OPCML: variants seen among roughly 807,000 people sequenced by gnomAD.
OPCML encodes the protein opioid-binding protein/cell adhesion molecule.
A neutral mutation model predicts 37.8 loss-of-function variants in OPCML; 13 were observed. The observed-to-expected ratio is 0.34, with a 90% confidence interval of 0.22 to 0.55. The LOEUF (loss-of-function observed/expected upper bound fraction) is 0.55, where lower values mean the gene tolerates loss of function less well. OPCML is among the 20% of genes least tolerant of loss of function. OPCML has a pLI of 0.91. For missense variants in OPCML, 341 were observed against 435.6 expected (o/e 0.78, Z 1.93); for synonymous variants, 176 against 168.8 (o/e 1.04, Z -0.33).
intron 1 of OPCML, among the ~76,000 whole-genome samples, chr11:133,160,780 C>T (rs1230794985): frequency 6.6e-6 from 1 of 152,212 alleles, no homozygotes; most frequent in Non-Finnish European, 1.5e-5. Flanking sequence ...TGCTCCTGTC[C>T]TGGCAGGACA....
intron 1 of OPCML, among the ~76,000 whole-genome samples, chr11:132,989,056 G>A (rs781087485): frequency 7.2e-5 from 11 of 152,176 alleles, no homozygotes; most frequent in East Asian, 1.9e-4. Context: ...GAGAAGCTGC[G>A]AATGTTCAGG....
At chr11:132,986,490 A>G (rs1946683499) in intron 1 of OPCML, among the ~76,000 whole-genome samples, 4 of 152,200 alleles carry the variant, frequency 2.6e-5, no homozygotes, top group Non-Finnish European at 5.9e-5. Flanking sequence ...CAGATTTAGG[A>G]ATGTGCATGA....
At chr11:132,491,908 G>A (rs1397377208) in intron 4 of OPCML, among the ~76,000 whole-genome samples, 1 of 150,278 alleles carries the variant, frequency 6.7e-6, no homozygotes, top group Non-Finnish European at 1.5e-5. Flanking sequence ...TGTAGGTGGG[G>A]TTTGGGACAT....
At chr11:132,663,656 A>G (rs1467484923) in intron 2 of OPCML, among the ~76,000 whole-genome samples, 1 of 152,184 alleles carries the variant, frequency 6.6e-6, no homozygotes, top group East Asian at 1.9e-4. Flanking sequence ...CAAAAGCTGA[A>G]TGATATGGGC....
chr11:133,452,071 T>C (rs557125545), intron 1 of OPCML, among the ~76,000 whole-genome samples: 1 of 151,646 alleles, frequency 6.6e-6, no homozygotes, highest in Admixed American at 6.6e-5. Context: ...CAAAGTTTTG[T>C]ACCAATGTCC....
At chr11:132,789,584 AG>A (rs1241266437) in intron 2 of OPCML, among the ~76,000 whole-genome samples, 1 of 152,254 alleles carries the variant, frequency 6.6e-6, no homozygotes, top group Non-Finnish European at 1.5e-5. Flanking sequence ...CAAATGGATC[AG>A]GAGGAATACA....
intron 1 of OPCML, among the ~76,000 whole-genome samples, chr11:133,246,724 C>G (rs1278511953): frequency 6.6e-6 from 1 of 152,262 alleles, no homozygotes; most frequent in Middle Eastern, 3.4e-3. Flanking sequence ...GAGTAAGGAA[C>G]TATAAAATTA....
At chr11:132,666,912 T>C (rs1017747360) in intron 2 of OPCML, among the ~76,000 whole-genome samples, 1 of 152,140 alleles carries the variant, frequency 6.6e-6, no homozygotes, top group Non-Finnish European at 1.5e-5. Flanking sequence ...TTTTGGAGAA[T>C]AGACTGTAGC....
At chr11:133,313,479 C>A (rs61912383) in intron 1 of OPCML, among the ~76,000 whole-genome samples, 7 of 152,160 alleles carry the variant, frequency 4.6e-5, no homozygotes, top group African/African-American at 1.7e-4. Flanking sequence ...TTTGCAGATG[C>A]AATTAAATGA....
chr11:133,295,351 G>A (rs1234027306), intron 1 of OPCML, among the ~76,000 whole-genome samples: 1 of 152,122 alleles, frequency 6.6e-6, no homozygotes, highest in Non-Finnish European at 1.5e-5. Flanking sequence ...GTCATACAAA[G>A]CTAAGGTAGG....
intron 3 of OPCML, among the ~76,000 whole-genome samples, chr11:132,632,347 A>C (rs987112407): frequency 1.3e-5 from 2 of 151,560 alleles, no homozygotes; most frequent in African/African-American, 4.9e-5. Context: ...TTATGATTTA[A>C]AAGGTTCCTT....
intron 2 of OPCML, among the ~76,000 whole-genome samples, chr11:132,703,078 C>T (rs1565788921): frequency 6.6e-6 from 1 of 152,048 alleles, no homozygotes; most frequent in Non-Finnish European, 1.5e-5. Context: ...CTAGGTTACA[C>T]TCCTGCATTG....
chr11:132,733,822 G>A (rs1945165526), intron 2 of OPCML, among the ~76,000 whole-genome samples: 1 of 152,220 alleles, frequency 6.6e-6, no homozygotes, highest in Admixed American at 6.5e-5. Context: ...GATGCTGACA[G>A]ATTGGGAGAA....
At chr11:132,820,507 T>C (rs879319726) in intron 2 of OPCML, among the ~76,000 whole-genome samples, 2 of 152,046 alleles carry the variant, frequency 1.3e-5, no homozygotes, top group African/African-American at 4.8e-5. Context: ...GGTGTGTGTG[T>C]ATGTGTGTGT....
intron 2 of OPCML, among the ~76,000 whole-genome samples, chr11:132,737,109 T>C (rs1426122931): frequency 6.6e-6 from 1 of 152,142 alleles, no homozygotes; most frequent in Non-Finnish European, 1.5e-5. Flanking sequence ...GTAATGTGAC[T>C]GGAAAAAAAT....
chr11:133,419,291 C>G (rs182303185), intron 1 of OPCML: 2 of 985,202 alleles, frequency 2.0e-6, no homozygotes, highest in Non-Finnish European at 2.4e-6. Context: ...TGTGAAACCT[C>G]GAGATGTCTG....
chr11:133,148,096 A>T (rs1006296356), intron 1 of OPCML, among the ~76,000 whole-genome samples: 4 of 152,128 alleles, frequency 2.6e-5, no homozygotes, highest in Admixed American at 6.5e-5. Flanking sequence ...GCTGCCTTTC[A>T]GGAGAAAATT....
chr11:132,857,017 T>C lies in OPCML; in HGVS notation c.146+85909A>G, dbSNP rs1240461900. On this transcript the variant is annotated intron_variant, in intron 2 of 7. Coordinates refer to ENST00000524381, the MANE Select transcript of OPCML (RefSeq NM_001012393.5). ...TTATGCCCCTTGGATGAATTTTTTT[T>C]CTCTGGGGAGGCAAGAATTGAATTG... 2.6e-5 allele frequency among the ~76,000 whole-genome samples: 4 copies of C among 152,306 alleles called. No homozygotes were observed. In the South Asian group the frequency reaches 6.2e-4, roughly 24 times the overall value.
At chr11:132,847,068 A>G (rs1284852239) in intron 2 of OPCML, among the ~76,000 whole-genome samples, 2 of 152,214 alleles carry the variant, frequency 1.3e-5, no homozygotes, top group Non-Finnish European at 2.9e-5. Flanking sequence ...AATATGATAC[A>G]TCTTGGAGAG....
Sources: allele counts gnomAD v4.1 joint callset (sites outside exome capture counted in the v4.1 genomes callset), GRCh38; gene constraint gnomAD v4.1.1; transcripts MANE v1.5; gene names NCBI Gene and HGNC (gene_info 2026-07-23, HGNC 2026-07-21).